NXPH1: variants seen among roughly 807,000 people sequenced by gnomAD.
The protein encoded by NXPH1 is neurexophilin 1.
Under a neutral mutation model 23.7 loss-of-function variants are expected in NXPH1, and 5 were observed. The ratio of observed to expected loss-of-function variants is 0.21; its 90% CI spans 0.11 to 0.44. The LOEUF (loss-of-function observed/expected upper bound fraction) is 0.44, where lower values mean the gene tolerates loss of function less well. Ranked by LOEUF, NXPH1 falls within the 20% of genes least tolerant of loss-of-function variation. NXPH1 has a pLI of 0.99. For synonymous variants in NXPH1, 144 were observed against 122.2 expected (o/e 1.18, Z -1.18); for missense variants, 324 against 321.6 (o/e 1.01, Z -0.06).
At chr7:8,658,796 TA>T (rs1820621558) in intron 2 of NXPH1, among the ~76,000 whole-genome samples, 1 of 152,068 alleles carries the variant, frequency 6.6e-6, no homozygotes, top group Non-Finnish European at 1.5e-5. Context: ...TATAAGAAAA[TA>T]AAATAATATT....
intron 2 of NXPH1, among the ~76,000 whole-genome samples, chr7:8,487,137 A>C (rs1817172157): frequency 6.6e-6 from 1 of 152,156 alleles, no homozygotes; most frequent in African/African-American, 2.4e-5. Context: ...TATTCTATAA[A>C]TAGTAGTTTC....
intron 2 of NXPH1, among the ~76,000 whole-genome samples, chr7:8,527,644 A>G (rs1046150366): frequency 6.6e-6 from 1 of 152,174 alleles, no homozygotes; most frequent in Non-Finnish European, 1.5e-5. Flanking sequence ...TTTTCCGTGG[A>G]CCTGCTAAAT....
At position 8,722,758 on chromosome 7, in the gene NXPH1, G is replaced by C. The variant is rs553293525; in HGVS notation, c.55-28250G>C. On this transcript the variant is annotated intron_variant, in intron 2 of 2. Coordinates refer to ENST00000405863, the MANE Select transcript of NXPH1 (RefSeq NM_152745.3). ...CTTGGAATGCAAGAGGAGTGGGCTG[G>C]ATGGTAACGAACCTTCATCACAATT... Among the ~76,000 whole-genome samples, 8 of 152,308 alleles carry C rather than the reference G, an allele frequency of 5.3e-5. No individual in the cohort carries two copies. In the South Asian group the frequency reaches 8.3e-4, roughly 16 times the overall value.
At chr7:8,444,743 A>T (rs1296970722) in intron 2 of NXPH1, among the ~76,000 whole-genome samples, 2 of 152,220 alleles carry the variant, frequency 1.3e-5, no homozygotes, top group Non-Finnish European at 2.9e-5. Context: ...CAGTGAATCA[A>T]TCGCTGCAAA....
chr7:8,580,805 G>T (rs1818852791), intron 2 of NXPH1, among the ~76,000 whole-genome samples: 1 of 151,988 alleles, frequency 6.6e-6, no homozygotes, highest in South Asian at 2.1e-4. Context: ...ATTCCTTCCA[G>T]AGCAATTAGG....
chr7:8,670,110 T>A (rs1028252937), intron 2 of NXPH1, among the ~76,000 whole-genome samples: 1 of 152,206 alleles, frequency 6.6e-6, no homozygotes, highest in Non-Finnish European at 1.5e-5. Context: ...ACCAATGTCA[T>A]TTTCTGGGCC....
intron 2 of NXPH1, among the ~76,000 whole-genome samples, chr7:8,562,034 C>T (rs1446038588): frequency 6.6e-6 from 1 of 151,602 alleles, no homozygotes; most frequent in Non-Finnish European, 1.5e-5. Context: ...TATTGAATAT[C>T]TATACTGTTC....
At chr7:8,471,321 G>T (rs1009489665) in intron 2 of NXPH1, among the ~76,000 whole-genome samples, 4 of 152,176 alleles carry the variant, frequency 2.6e-5, no homozygotes, top group Admixed American at 2.6e-4. Context: ...ACTCTGAGGG[G>T]AAGGATTTGT....
chr7:8,605,054 T>C (rs1819453407), intron 2 of NXPH1, among the ~76,000 whole-genome samples: 5 of 152,280 alleles, frequency 3.3e-5, no homozygotes, highest in African/African-American at 4.8e-5. Flanking sequence ...TTTACTTCTA[T>C]AGCTTTTCCT....
At chr7:8,520,547 C>A (rs543361118) in intron 2 of NXPH1, among the ~76,000 whole-genome samples, 6 of 152,140 alleles carry the variant, frequency 3.9e-5, no homozygotes, top group Non-Finnish European at 7.4e-5. Flanking sequence ...CTTATTGATC[C>A]ATTTCCCCCC....
Position 8,657,705 on chromosome 7 carries a change from G to T in NXPH1, c.55-93303G>T, listed in dbSNP as rs115202306. ...AACTTCAAAAATTAAAAGTTTCTTG[G>T]CACCAACAAAATCAATTGGAATATT... On this transcript the variant is annotated intron_variant, in intron 2 of 2. Coordinates refer to ENST00000405863, the MANE Select transcript of NXPH1 (RefSeq NM_152745.3). Among the ~76,000 whole-genome samples, 480 of 152,286 alleles carry T rather than the reference G, an allele frequency of 3.2e-3. 2 individuals are homozygous for T. Among genetic ancestry groups the T allele is most frequent in the African/African-American group, 0.011 (459 of 41,570 alleles).
chr7:8,557,349 A>T (rs143319229), intron 2 of NXPH1, among the ~76,000 whole-genome samples: 26 of 151,858 alleles, frequency 1.7e-4, no homozygotes, highest in African/African-American at 6.3e-4. Flanking sequence ...AATCTCAAAT[A>T]TCTCATAACA....
chr7:8,505,105 T>A (rs191413304), intron 2 of NXPH1, among the ~76,000 whole-genome samples: 142 of 152,122 alleles, frequency 9.3e-4, no homozygotes, highest in Non-Finnish European at 1.7e-3. Flanking sequence ...TTTTTTGTCA[T>A]TTTTTGGTTA....
chr7:8,570,816 A>C (rs973377330), intron 2 of NXPH1, among the ~76,000 whole-genome samples: 1 of 151,810 alleles, frequency 6.6e-6, no homozygotes, highest in East Asian at 1.9e-4. Context: ...TGATACAGTC[A>C]TGGTAGATTG....
At chr7:8,585,971 G>C (rs894254918) in intron 2 of NXPH1, among the ~76,000 whole-genome samples, 6 of 152,060 alleles carry the variant, frequency 3.9e-5, no homozygotes, top group African/African-American at 1.4e-4. Flanking sequence ...GGAATGTTGG[G>C]GATAAAACAT....
chr7:8,493,749 G>A lies in NXPH1; in HGVS notation c.54+57982G>A, dbSNP rs74891650. Among the ~76,000 whole-genome samples, 849 of 152,056 alleles carry A rather than the reference G, an allele frequency of 5.6e-3. 13 individuals carry two copies. The highest frequency in any genetic ancestry group is 0.02 in the African/African-American group (814 of 41,528). On this transcript the variant is annotated intron_variant, in intron 2 of 2. Coordinates refer to ENST00000405863, the MANE Select transcript of NXPH1 (RefSeq NM_152745.3). ...CAAGAAAATGTTCCAGTGGCACATGGCCACTTTTTGTCTTAAGCACAAAAG... is the reference window on the plus strand; with the variant it reads ...CAAGAAAATGTTCCAGTGGCACATGACCACTTTTTGTCTTAAGCACAAAAG...
chr7:8,694,398 G>C (rs930836219), intron 2 of NXPH1, among the ~76,000 whole-genome samples: 7 of 152,102 alleles, frequency 4.6e-5, no homozygotes, highest in Non-Finnish European at 1.5e-5. Context: ...CAGTGCTTTT[G>C]GGGGAACCAC....
At chr7:8,677,858 C>G (rs1294719739) in intron 2 of NXPH1, among the ~76,000 whole-genome samples, 1 of 152,034 alleles carries the variant, frequency 6.6e-6, no homozygotes, top group African/African-American at 2.4e-5. Context: ...AATATACTCT[C>G]AATCTTTTTG....
intron 2 of NXPH1, among the ~76,000 whole-genome samples, chr7:8,620,633 G>GAA (rs1344229441): frequency 6.6e-6 from 1 of 152,202 alleles, no homozygotes; most frequent in Non-Finnish European, 1.5e-5. Flanking sequence ...ATCTGAGAGA[G>GAA]AAACTGAGCC....
Sources: allele counts gnomAD v4.1 joint callset (sites outside exome capture counted in the v4.1 genomes callset), GRCh38; gene constraint gnomAD v4.1.1; transcripts MANE v1.5; gene names NCBI Gene and HGNC (gene_info 2026-07-23, HGNC 2026-07-21).